Variants in C11orf54 observed in about 807,000 individuals in gnomAD.
C11orf54 encodes the protein beta-keto-L-gulonate decarboxylase, also known as beta-keto L-gulonate decarboxylase.
C11orf54 carries 29 observed loss-of-function variants against 35.5 expected under a neutral mutation model. The observed-to-expected ratio is 0.82, with a 90% confidence interval of 0.61 to 1.11. The LOEUF (loss-of-function observed/expected upper bound fraction) is 1.11, where lower values mean the gene tolerates loss of function less well. Ranked by LOEUF, C11orf54 falls within the 50% of genes most tolerant of loss-of-function variation. The probability of loss-of-function intolerance (pLI) is 0.00; values close to 1 mark genes in which losing one functional copy is unlikely to be tolerated. For synonymous variants in C11orf54, 108 were observed against 121.1 expected, an observed-to-expected ratio of 0.89 and a Z score of 0.71; for missense variants, 373 against 369.2, an observed-to-expected ratio of 1.01 and a Z score of -0.08.
chr11:93,757,744 G>A (rs183718530), intron 7 of C11orf54, among the ~76,000 whole-genome samples: 4 of 152,128 alleles, frequency 2.6e-5, no homozygotes, highest in Non-Finnish European at 5.9e-5. Context: ...GGCCAGACTG[G>A]TGTCGAACTC....
chr11:93,744,735 C>T (rs1049545033), intron 1 of C11orf54, among the ~76,000 whole-genome samples: 2 of 152,332 alleles, frequency 1.3e-5, no homozygotes, highest in African/African-American at 4.8e-5. Flanking sequence ...GGGTATTTCT[C>T]GTCAAGTGGG....
chr11:93,747,521 C>G, intron 2 of C11orf54, 73 bp downstream of exon 2: 1 of 1,111,166 alleles, frequency 9.0e-7, no homozygotes, highest in Non-Finnish European at 1.3e-6. Context: ...ATTCTAAGAT[C>G]TATCTATATC....
chr11:93,757,116 T>C (rs2135657950), intron 6 of C11orf54, among the ~76,000 whole-genome samples, 200 bp from the exon 7 acceptor site: 1 of 152,202 alleles, frequency 6.6e-6, no homozygotes, highest in South Asian at 2.1e-4. Context: ...TACATGTAAC[T>C]GATAAGTATG....
intron 3 of C11orf54, among the ~76,000 whole-genome samples, chr11:93,752,231 C>T (rs1380482829): frequency 6.6e-6 from 1 of 152,016 alleles, no homozygotes; most frequent in African/African-American, 2.4e-5. Context: ...CTTTAAATTG[C>T]AATACTAGAA....
At chr11:93,754,186 C>T in intron 5 of C11orf54, 149 bp downstream of exon 5, 1 of 674,206 alleles carries the variant, frequency 1.5e-6, no homozygotes, top group Non-Finnish European at 2.6e-6. Flanking sequence ...TGCTATAGCA[C>T]ACACTCCAAC....
rs1045230407 is a variant in C11orf54, at chr11:93,763,365, G to A, written c.*1677G>A. The stretch of plus-strand genomic sequence containing the variant: ...TAAATGCTATGAAAAGAAAGGAGTA[G>A]ATGGACTGTAAAGGAGGATGCTATT... On this transcript the variant is annotated 3_prime_UTR_variant, in exon 9 of 9. Coordinates refer to ENST00000354421, the MANE Select transcript of C11orf54 (RefSeq NM_001286069.2). The A allele has an allele frequency of 6.6e-6, 1 of 152,170 alleles. No individual in the cohort carries two copies. 9.4% of individuals were successfully genotyped at this position (152,170 alleles called of 1,614,324 possible).
Position 93,757,510 on chromosome 11 carries a change from G to A in C11orf54, c.657+45G>A, listed in dbSNP as rs1943218360. ...TACATGCATGAAGGAGTTTGTGTGT[G>A]TGCACTTACTTAAGATCTTAGGATT... On this transcript the variant is annotated intron_variant, in intron 7 of 8. Transcript: ENST00000354421. 8.4e-6 allele frequency: 13 copies of A among 1,541,168 alleles called. No homozygotes were observed. In the East Asian group the frequency reaches 2.9e-4, roughly 35 times the overall value.
chr11:93,743,535 C>G (rs1282387193), intron 1 of C11orf54, among the ~76,000 whole-genome samples: 1 of 152,124 alleles, frequency 6.6e-6, no homozygotes. Flanking sequence ...CTGCTGCGCT[C>G]CACCCTTTAT....
Position 93,755,387 on chromosome 11 carries a change from G to C in C11orf54, c.507+1G>C. The C allele has an allele frequency of 6.2e-7, 1 of 1,612,730 alleles. No homozygotes were observed. The highest frequency in any genetic ancestry group is 8.5e-7 in the Non-Finnish European group (1 of 1,178,982). On this transcript the variant is annotated splice_donor_variant, in intron 6 of 8. Coordinates refer to ENST00000354421, the MANE Select transcript of C11orf54 (RefSeq NM_001286069.2). LOFTEE classifies it high-confidence loss of function. The stretch of plus-strand genomic sequence containing the variant: ...TGCCAGTGAAGGCCAACCTGGCAAG[G>C]TGATTGTGTCCATAAAAATACAATA...
At chr11:93,760,901 C>T (rs569567059) in intron 8 of C11orf54, among the ~76,000 whole-genome samples, 75 of 152,176 alleles carry the variant, frequency 4.9e-4, no homozygotes, top group African/African-American at 1.7e-3. Flanking sequence ...TCAAGTGATC[C>T]GCCCGCCTCA....
chr11:93,763,062 T>G lies in C11orf54; in HGVS notation c.*1374T>G, dbSNP rs941847593. On this transcript the variant is annotated 3_prime_UTR_variant, in exon 9 of 9. Transcript: ENST00000354421. ...TAAGCACTATTTTGATGCAAAAAAA[T>G]GAATAAAAAATTTAATTTATGATAT... 2 of 152,170 alleles carry G rather than the reference T, an allele frequency of 1.3e-5. No individual in the cohort carries two copies. Among genetic ancestry groups the G allele is most frequent in the Non-Finnish European group, 2.9e-5 (2 of 68,014 alleles). The allele number at this position is 152,170 out of a possible 1,614,324, so 9.4% of individuals were successfully genotyped here. A position where few individuals can be genotyped will look rare whatever the true frequency, so the allele number is the denominator to read the frequency against.
rs765460647 is a variant in C11orf54 at position 93,761,716 on chromosome 11, A to C, written c.*28A>C. 2.5e-6 allele frequency: 3 copies of C among 1,189,166 alleles called. No individual in the cohort carries two copies. The African/African-American group carries it at 4.4e-5, about 17-fold the overall frequency. 73.7% of individuals were successfully genotyped at this position (1,189,166 alleles called of 1,614,324 possible). On this transcript the variant is annotated 3_prime_UTR_variant, in exon 9 of 9. Transcript: ENST00000354421. ...CAGCTGATACTTATTTAGAAAAAGA[A>C]ATAATTAAGGTTAATTAATTGATTG... is the stretch of plus-strand genomic sequence containing the variant.
intron 8 of C11orf54, among the ~76,000 whole-genome samples, chr11:93,760,503 A>C (rs1484222783): frequency 8.8e-6 from 1 of 113,946 alleles, no homozygotes; most frequent in Non-Finnish European, 2.0e-5. Context: ...TAACAGTATA[A>C]TCCCCATCTC....
At chr11:93,748,777 G>A (rs945221966) in intron 2 of C11orf54, among the ~76,000 whole-genome samples, 1 of 151,150 alleles carries the variant, frequency 6.6e-6, no homozygotes, top group African/African-American at 2.4e-5. Context: ...CAGAAGTTAC[G>A]TTGAGCCAAG....
At chr11:93,743,003 TC>T (rs1470047927) in intron 1 of C11orf54, 3 of 152,112 alleles carry the variant, frequency 2.0e-5, no homozygotes, top group Non-Finnish European at 4.4e-5. Flanking sequence ...TTTTCTTTTT[TC>T]TTTTTTTTTT....
intron 3 of C11orf54, among the ~76,000 whole-genome samples, chr11:93,751,695 C>T (rs910626390): frequency 4.6e-5 from 7 of 151,716 alleles, no homozygotes; most frequent in Non-Finnish European, 7.4e-5. Context: ...TGAGCCACCA[C>T]GCCCAGCCTT....
chr11:93,758,893 C>T (rs867804602), intron 7 of C11orf54, among the ~76,000 whole-genome samples: 14 of 152,316 alleles, frequency 9.2e-5, no homozygotes, highest in Middle Eastern at 3.4e-3. Flanking sequence ...AGGCTGGGGG[C>T]CCAGCTGCCA....
intron 1 of C11orf54, among the ~76,000 whole-genome samples, chr11:93,743,124 C>T (rs1942226474): frequency 6.6e-6 from 1 of 151,640 alleles, no homozygotes; most frequent in Middle Eastern, 3.2e-3. Context: ...CCTCAGCTTC[C>T]CAAGTAGCTG....
intron 6 of C11orf54, among the ~76,000 whole-genome samples, chr11:93,756,554 A>G (rs762286105): frequency 2.0e-5 from 3 of 152,078 alleles, no homozygotes; most frequent in Non-Finnish European, 4.4e-5. Context: ...AGGTAATAGA[A>G]TATTAATTTG....
Sources: allele counts gnomAD v4.1 joint callset (sites outside exome capture counted in the v4.1 genomes callset), GRCh38; gene constraint gnomAD v4.1.1; transcripts MANE v1.5; gene names NCBI Gene and HGNC (gene_info 2026-07-23, HGNC 2026-07-21).